TBC1D5: variants seen among roughly 807,000 people sequenced by gnomAD.
TBC1D5 encodes TBC1 domain family, member 5.
A neutral mutation model predicts 100.3 loss-of-function variants in TBC1D5; 75 were observed. The ratio of observed to expected loss-of-function variants is 0.75; its 90% CI spans 0.62 to 0.91. The LOEUF is 0.91. Ranked by LOEUF, TBC1D5 falls within the 40% of genes least tolerant of loss-of-function variation. The pLI, the probability that TBC1D5 is intolerant of heterozygous loss-of-function variation, is 0.00. For missense variants in TBC1D5, 910 were observed against 942.4 expected (o/e 0.97, Z 0.45); for synonymous variants, 323 against 325.6 (o/e 0.99, Z 0.09).
intron 1 of TBC1D5, among the ~76,000 whole-genome samples, chr3:17,635,002 C>CA (rs11386338): frequency 0.58 from 88,809 of 151,898 alleles, 26,633 homozygotes; most frequent in East Asian, 0.98. Flanking sequence ...GATATAGAAA[C>CA]AAAAAAATTT....
intron 3 of TBC1D5, among the ~76,000 whole-genome samples, chr3:17,457,405 T>C (rs1252867268): frequency 2.0e-5 from 3 of 152,326 alleles, no homozygotes; most frequent in African/African-American, 7.2e-5. Context: ...GTCTGGGTGA[T>C]TTCTATTGAC....
At chr3:17,484,910 C>T (rs1387987408) in intron 3 of TBC1D5, among the ~76,000 whole-genome samples, 2 of 152,094 alleles carry the variant, frequency 1.3e-5, no homozygotes, top group Non-Finnish European at 2.9e-5. Context: ...CACATTCACT[C>T]TACTTGAACT....
At chr3:17,314,863 C>T (rs574776617) in intron 13 of TBC1D5, among the ~76,000 whole-genome samples, 1 of 152,260 alleles carries the variant, frequency 6.6e-6, no homozygotes, top group South Asian at 2.1e-4. Flanking sequence ...ACAGTAGTGG[C>T]CTGAAACTTT....
intron 13 of TBC1D5, among the ~76,000 whole-genome samples, chr3:17,369,806 G>A (rs2092368685): frequency 6.6e-6 from 1 of 152,112 alleles, no homozygotes; most frequent in South Asian, 2.1e-4. Flanking sequence ...AAATTAATAT[G>A]TGAAATAGGT....
chr3:17,656,379 G>A (rs559120719), intron 1 of TBC1D5, among the ~76,000 whole-genome samples: 66 of 152,306 alleles, frequency 4.3e-4, no homozygotes, highest in African/African-American at 1.4e-3. Context: ...TGCCTTAGTT[G>A]CTGAGGTAGG....
At chr3:17,269,657 C>T (rs1234820767) in intron 15 of TBC1D5, among the ~76,000 whole-genome samples, 1 of 150,584 alleles carries the variant, frequency 6.6e-6, no homozygotes, top group Non-Finnish European at 1.5e-5. Flanking sequence ...CTCCCTCCCT[C>T]CTTCTGGAGT....
chr3:17,502,108 A>C (rs199944955), intron 3 of TBC1D5, among the ~76,000 whole-genome samples: 1 of 149,332 alleles, frequency 6.7e-6, no homozygotes, highest in African/African-American at 2.5e-5. Flanking sequence ...TTTGCTCTAC[A>C]CTGCCTCTCC....
chr3:17,476,297 G>A (rs2095437228), intron 3 of TBC1D5, among the ~76,000 whole-genome samples: 1 of 151,680 alleles, frequency 6.6e-6, no homozygotes, highest in Non-Finnish European at 1.5e-5. Flanking sequence ...TTTTAATTTA[G>A]GAGAATTTGG....
At chr3:17,385,694 T>C (rs1053987009) in intron 8 of TBC1D5, among the ~76,000 whole-genome samples, 3 of 151,652 alleles carry the variant, frequency 2.0e-5, no homozygotes, top group African/African-American at 7.3e-5. Context: ...GGTTTTTTGT[T>C]TTTTTTTTCC....
intron 13 of TBC1D5, among the ~76,000 whole-genome samples, chr3:17,318,669 C>T (rs1258915257): frequency 6.6e-6 from 1 of 152,156 alleles, no homozygotes; most frequent in African/African-American, 2.4e-5. Context: ...TAACAACTAG[C>T]CCAGTGTTTT....
At chr3:17,407,882 C>T (rs940704704) in intron 4 of TBC1D5, among the ~76,000 whole-genome samples, 7 of 152,132 alleles carry the variant, frequency 4.6e-5, no homozygotes, top group African/African-American at 1.7e-4. Context: ...ACAAAAATTT[C>T]TTATTCTCAT....
At chr3:17,266,666 T>C (rs1303550931) in intron 15 of TBC1D5, among the ~76,000 whole-genome samples, 2 of 152,116 alleles carry the variant, frequency 1.3e-5, no homozygotes, top group Non-Finnish European at 2.9e-5. Context: ...AATGCATCCA[T>C]CAAATTAATA....
chr3:17,467,316 T>A (rs1258898767), intron 3 of TBC1D5, among the ~76,000 whole-genome samples: 10 of 151,350 alleles, frequency 6.6e-5, no homozygotes, highest in African/African-American at 1.7e-4. Context: ...ATCTTTTTTT[T>A]ATTATTTTTA....
At chr3:17,421,523 T>C in intron 4 of TBC1D5, among the ~76,000 whole-genome samples, 1 of 152,180 alleles carries the variant, frequency 6.6e-6, no homozygotes, top group African/African-American at 2.4e-5. Flanking sequence ...AAATTAACTT[T>C]CCTGAGGCAA....
At chr3:17,480,188 G>A (rs764459555) in intron 3 of TBC1D5, among the ~76,000 whole-genome samples, 2 of 152,212 alleles carry the variant, frequency 1.3e-5, no homozygotes, top group Non-Finnish European at 2.9e-5. Flanking sequence ...ACCAGCGAGC[G>A]CAGGAGAGAG....
chr3:17,615,588 T>G (rs1039425890), intron 2 of TBC1D5, among the ~76,000 whole-genome samples: 1 of 152,210 alleles, frequency 6.6e-6, no homozygotes, highest in African/African-American at 2.4e-5. Context: ...TATTCAGAGA[T>G]TCAACTTCTT....
chr3:17,552,056 A>AC (rs1560144944), intron 2 of TBC1D5, among the ~76,000 whole-genome samples: 1 of 152,104 alleles, frequency 6.6e-6, no homozygotes, highest in African/African-American at 2.4e-5. Context: ...AGCAGTATAC[A>AC]TTTGTAGTTT....
intron 13 of TBC1D5, among the ~76,000 whole-genome samples, chr3:17,370,872 A>G (rs1054021931): frequency 1.1e-4 from 17 of 152,254 alleles, no homozygotes; most frequent in African/African-American, 3.1e-4. Flanking sequence ...AATTGCCTCA[A>G]TTTTGCATGT....
chr3:17,737,314 G>C (rs1432916134), intron 1 of TBC1D5, among the ~76,000 whole-genome samples: 2 of 152,156 alleles, frequency 1.3e-5, no homozygotes, highest in Admixed American at 6.6e-5. Flanking sequence ...GGGACAAAAA[G>C]TTTAGTAACC....
Sources: allele counts gnomAD v4.1 joint callset (sites outside exome capture counted in the v4.1 genomes callset), GRCh38; gene constraint gnomAD v4.1.1; transcripts MANE v1.5; gene names NCBI Gene and HGNC (gene_info 2026-07-23, HGNC 2026-07-21).